Variants in SEPTIN6 observed in about 807,000 individuals in gnomAD.
SEPTIN6 encodes septin-6.
In SEPTIN6, 8 loss-of-function variants were observed where a neutral mutation model predicts 33.6. The observed-to-expected ratio is 0.24, with a 90% CI of 0.14 to 0.43. The LOEUF is 0.43. Ranked by LOEUF, SEPTIN6 falls within the 20% of genes least tolerant of loss-of-function variation. The probability of loss-of-function intolerance (pLI) is 1.00; values close to 1 mark genes in which losing one functional copy is unlikely to be tolerated. For synonymous variants in SEPTIN6, 131 were observed against 140.0 expected, an observed-to-expected ratio of 0.94 and a Z score of 0.45; for missense variants, 250 against 340.8, an observed-to-expected ratio of 0.73 and a Z score of 2.10.
At position 119,689,324 on chromosome X, in the gene SEPTIN6, A is replaced by T. The variant is rs192143500; in HGVS notation, c.30+3752T>A. Among the ~76,000 whole-genome samples the T allele has an allele frequency of 2.7e-3, 302 of 111,869 alleles. 1 individual carries two copies. Among genetic ancestry groups the T allele is most frequent in the African/African-American group, 9.1e-3 (279 of 30,824 alleles). ...CCCTGTGCCTTGGTTACCTTGGACA[A>T]GTCATGGAACCTCTCGAAATATATA... On this transcript the variant is annotated intron_variant, in intron 1 of 10. Transcript: ENST00000394610.
chrX:119,629,529 G>T, intron 8 of SEPTIN6, 21 bp from the exon 9 acceptor site: 5 of 1,197,479 alleles, frequency 4.2e-6, no homozygotes, highest in Non-Finnish European at 5.7e-6. Flanking sequence ...AGCACAGGGA[G>T]ATTGGAGAGA....
At chrX:119,647,067 A>C (rs1189860965) in intron 5 of SEPTIN6, among the ~76,000 whole-genome samples, 1 of 110,692 alleles carries the variant, frequency 9.0e-6, no homozygotes, top group Non-Finnish European at 1.9e-5. Context: ...ACTCAAAAAA[A>C]ACCCATAGTG....
chrX:119,644,728 T>C (rs1307850433), intron 5 of SEPTIN6, among the ~76,000 whole-genome samples: 1 of 108,475 alleles, frequency 9.2e-6, no homozygotes, highest in Non-Finnish European at 1.9e-5. Context: ...GCGCCTGTAA[T>C]CCCAGCTACT....
intron 1 of SEPTIN6, among the ~76,000 whole-genome samples, chrX:119,681,630 A>G (rs2054962687): frequency 8.9e-6 from 1 of 112,271 alleles, no homozygotes; most frequent in South Asian, 3.6e-4. Flanking sequence ...GTACACGCAT[A>G]TTCTGGAATA....
chrX:119,669,874 CTGT>C lies in SEPTIN6; in HGVS notation c.145+5677_145+5679del, dbSNP rs1366059496. 5.4e-5 allele frequency among the ~76,000 whole-genome samples: 6 copies of C among 111,835 alleles called. No homozygotes were observed. In the Admixed American group the frequency reaches 5.7e-4, roughly 11 times the overall value. On this transcript the variant is annotated intron_variant, in intron 2 of 10. Coordinates refer to ENST00000394610, the MANE Select transcript of SEPTIN6 (RefSeq NM_145799.4). ...CCTCAATCCTGCTTCTCTTGTGTGA[CTGT>C]TTTTTTCCATGTTCAACAGAGCCCA...
chrX:119,667,980 G>A lies in SEPTIN6; in HGVS notation c.146-4303C>T. Reference sequence around the variant, plus strand: ...TTAAAAAAAATTAAAACATATATGAGTACTACGAAATATGTTTTTTTTCAA... The same window carrying A: ...TTAAAAAAAATTAAAACATATATGAATACTACGAAATATGTTTTTTTTCAA... On this transcript the variant is annotated intron_variant, in intron 2 of 10. Coordinates refer to ENST00000394610, the MANE Select transcript of SEPTIN6 (RefSeq NM_145799.4). Among the ~76,000 whole-genome samples, 3 of 111,703 alleles carry A rather than the reference G, an allele frequency of 2.7e-5. No homozygotes were observed. The South Asian group carries it at 1.1e-3, about 42-fold the overall frequency.
chrX:119,636,877 C>G (rs1291911732), intron 7 of SEPTIN6, 150 bp downstream of exon 7: 1 of 618,219 alleles, frequency 1.6e-6, no homozygotes, highest in South Asian at 3.1e-5. Flanking sequence ...AACAGGCAAG[C>G]AGAACTGGCA....
intron 8 of SEPTIN6, among the ~76,000 whole-genome samples, chrX:119,631,710 G>C (rs774515862): frequency 9.1e-6 from 1 of 109,931 alleles, no homozygotes; most frequent in East Asian, 2.9e-4. Flanking sequence ...AGCCTCCTGG[G>C]TAGCTGGGAC....
chrX:119,623,834 G>A (rs375078208), intron 10 of SEPTIN6, among the ~76,000 whole-genome samples: 227 of 111,457 alleles, frequency 2.0e-3, no homozygotes, highest in African/African-American at 6.9e-3. Context: ...GTGAGACTCC[G>A]TCTCAAAAAA....
At chrX:119,676,464 C>CA (rs36057688) in intron 1 of SEPTIN6, among the ~76,000 whole-genome samples, 20,166 of 84,346 alleles carry the variant, frequency 0.24, 4,231 homozygotes, top group African/African-American at 0.63. Flanking sequence ...AACTCTGTCT[C>CA]AAAAAAAAAA....
At chrX:119,627,887 C>T (rs1270217758) in intron 9 of SEPTIN6, among the ~76,000 whole-genome samples, 1 of 101,933 alleles carries the variant, frequency 9.8e-6, no homozygotes, top group Non-Finnish European at 2.0e-5. Context: ...GCAACCTCTG[C>T]CTCCTCAGTT....
chrX:119,662,767 G>A (rs1223771009), intron 3 of SEPTIN6, among the ~76,000 whole-genome samples: 2 of 112,439 alleles, frequency 1.8e-5, no homozygotes, highest in Admixed American at 1.9e-4. Flanking sequence ...GCTTTGGAAG[G>A]GGCCTGTGCA....
intron 3 of SEPTIN6, among the ~76,000 whole-genome samples, chrX:119,659,083 A>G (rs1297636986): frequency 8.9e-6 from 1 of 112,208 alleles, no homozygotes; most frequent in Non-Finnish European, 1.9e-5. Context: ...ATATTCTCTG[A>G]TGTTTTCTCC....
At chrX:119,684,640 A>G (rs1298765069) in intron 1 of SEPTIN6, among the ~76,000 whole-genome samples, 2 of 109,143 alleles carry the variant, frequency 1.8e-5, no homozygotes, top group African/African-American at 6.7e-5. Flanking sequence ...ACAGGCGCCC[A>G]CCACCACATC....
chrX:119,647,692 TG>T (rs1400520609), intron 5 of SEPTIN6, among the ~76,000 whole-genome samples: 14 of 109,026 alleles, frequency 1.3e-4, no homozygotes, highest in African/African-American at 4.1e-4. Context: ...TTGCTCTGGT[TG>T]CCCAGGCTGG....
intron 5 of SEPTIN6, among the ~76,000 whole-genome samples, chrX:119,643,100 A>G (rs976815847): frequency 1.3e-4 from 14 of 111,114 alleles, no homozygotes; most frequent in Non-Finnish European, 2.6e-4. Flanking sequence ...AGCATGTCCA[A>G]TCTTTGCCAG....
In SEPTIN6 at chrX:119,652,837, G is replaced by A. The variant is rs771590475; in HGVS notation, c.528+17C>T. ...GTAAGAGTGAGCCCCCAGCGCCCCC[G>A]CCCCTGCCTCCTATACCTTACTGTC... On this transcript the variant is annotated intron_variant, in intron 4 of 10. Coordinates refer to ENST00000394610, the MANE Select transcript of SEPTIN6 (RefSeq NM_145799.4). 4.2e-6 allele frequency: 5 copies of A among 1,198,147 alleles called. No individual in the cohort carries two copies. Among genetic ancestry groups the A allele is most frequent in the South Asian group, 3.6e-5 (2 of 55,968 alleles).
At chrX:119,652,026 C>T (rs1399489228) in intron 4 of SEPTIN6, among the ~76,000 whole-genome samples, 1 of 111,941 alleles carries the variant, frequency 8.9e-6, no homozygotes, top group Non-Finnish European at 1.9e-5. Flanking sequence ...CAGGTTCAAG[C>T]GATTCTCCTG....
intron 7 of SEPTIN6, among the ~76,000 whole-genome samples, chrX:119,633,884 T>C (rs1411891905): frequency 8.9e-6 from 1 of 112,090 alleles, no homozygotes; most frequent in Non-Finnish European, 1.9e-5. Flanking sequence ...TGCCAGGCCC[T>C]GGCTCTGAAA....
Sources: allele counts gnomAD v4.1 joint callset (sites outside exome capture counted in the v4.1 genomes callset), GRCh38; gene constraint gnomAD v4.1.1; transcripts MANE v1.5; gene names NCBI Gene and HGNC (gene_info 2026-07-23, HGNC 2026-07-21).